The following SPOCK3 variants were observed in gnomAD, a reference collection of about 807,000 sequenced individuals.
The protein encoded by SPOCK3 is SPARC (osteonectin), cwcv and kazal like domains proteoglycan 3.
Under a neutral mutation model 56.6 loss-of-function variants are expected in SPOCK3, and 30 were observed. The observed-to-expected ratio is 0.53, with a 90% confidence interval of 0.40 to 0.72. The LOEUF is 0.72. Among genes scored for constraint, SPOCK3 ranks in the 30% least tolerant of loss-of-function variants. The probability of loss-of-function intolerance (pLI) is 0.00; values close to 1 mark genes in which losing one functional copy is unlikely to be tolerated. For synonymous variants in SPOCK3, 196 were observed against 183.3 expected (o/e 1.07, Z -0.56); for missense variants, 527 against 530.0 (o/e 0.99, Z 0.06).
At chr4:167,048,426 G>T (rs1053178197) in intron 3 of SPOCK3, among the ~76,000 whole-genome samples, 1 of 151,968 alleles carries the variant, frequency 6.6e-6, no homozygotes, top group Non-Finnish European at 1.5e-5. Flanking sequence ...AACCAGACAT[G>T]CCCAATATAT....
At chr4:167,099,006 G>A (rs1341862445) in intron 2 of SPOCK3, among the ~76,000 whole-genome samples, 1 of 151,862 alleles carries the variant, frequency 6.6e-6, no homozygotes, top group Non-Finnish European at 1.5e-5. Flanking sequence ...AGAAGGAAGG[G>A]ATCAGCATCT....
intron 7 of SPOCK3, among the ~76,000 whole-genome samples, chr4:166,788,815 T>TA (rs1012043433): frequency 6.6e-6 from 1 of 151,910 alleles, no homozygotes; most frequent in African/African-American, 2.4e-5. Flanking sequence ...TAAAAATGTG[T>TA]AAAAAATGAA....
At chr4:167,057,967 A>T (rs1481529027) in intron 3 of SPOCK3, among the ~76,000 whole-genome samples, 2 of 152,168 alleles carry the variant, frequency 1.3e-5, no homozygotes, top group African/African-American at 4.8e-5. Context: ...TCTCCACCCC[A>T]AATCAACAGA....
At position 166,756,060 on chromosome 4, in the gene SPOCK3, C is replaced by T. The variant is rs1333581670; in HGVS notation, c.710-1331G>A. On this transcript the variant is annotated intron_variant, in intron 7 of 10. Coordinates refer to ENST00000357545, the MANE Select transcript of SPOCK3 (RefSeq NM_001040159.2). ...GTGCGCGAGCCGAAGCAGGGCGAGG[C>T]ATTGCCTCACCTGGGAAGCGCAAGG... 1.5e-4 allele frequency among the ~76,000 whole-genome samples: 5 copies of T among 34,146 alleles called. 2 individuals are homozygous for T. The highest frequency in any genetic ancestry group is 5.9e-4 in the African/African-American group (5 of 8,498). The allele number at this position is 34,146 out of a possible 152,430, so 22.4% of individuals were successfully genotyped here.
intron 7 of SPOCK3, among the ~76,000 whole-genome samples, chr4:166,770,040 C>T (rs1738719811): frequency 6.6e-6 from 1 of 152,100 alleles, no homozygotes; most frequent in South Asian, 2.1e-4. Flanking sequence ...GTTGAAAAAG[C>T]ACAGTATTAG....
intron 4 of SPOCK3, among the ~76,000 whole-genome samples, chr4:166,930,393 A>G (rs918669531): frequency 5.9e-5 from 9 of 152,128 alleles, no homozygotes; most frequent in African/African-American, 2.2e-4. Context: ...TGATTATGGT[A>G]GTTTCCTCTG....
chr4:166,946,486 GT>G (rs1741765254), intron 4 of SPOCK3, among the ~76,000 whole-genome samples: 1 of 152,150 alleles, frequency 6.6e-6, no homozygotes, highest in African/African-American at 2.4e-5. Context: ...GTGCCGCCAA[GT>G]CCTTTGCTCT....
At chr4:166,858,808 T>A (rs1730942915) in intron 6 of SPOCK3, among the ~76,000 whole-genome samples, 1 of 152,144 alleles carries the variant, frequency 6.6e-6, no homozygotes, top group Admixed American at 6.5e-5. Flanking sequence ...CATTATTTTC[T>A]TCCTGCTCAC....
intron 8 of SPOCK3, among the ~76,000 whole-genome samples, chr4:166,750,004 C>T (rs1736170621): frequency 6.6e-6 from 1 of 152,072 alleles, no homozygotes; most frequent in Admixed American, 6.6e-5. Flanking sequence ...TGAGTCTATA[C>T]CTGAAAATGC....
At chr4:166,842,805 C>T (rs758418034) in intron 6 of SPOCK3, among the ~76,000 whole-genome samples, 24 of 152,210 alleles carry the variant, frequency 1.6e-4, no homozygotes, top group Non-Finnish European at 1.8e-4. Context: ...GAGCCGTGGG[C>T]GGAGCTGCCT....
At chr4:166,859,726 G>T (rs1731049534) in intron 6 of SPOCK3, among the ~76,000 whole-genome samples, 1 of 152,072 alleles carries the variant, frequency 6.6e-6, no homozygotes, top group Non-Finnish European at 1.5e-5. Context: ...TCTTTGTAAA[G>T]AAAGATCAGA....
intron 2 of SPOCK3, among the ~76,000 whole-genome samples, chr4:167,064,678 G>A (rs1017190658): frequency 6.6e-6 from 1 of 151,696 alleles, no homozygotes; most frequent in African/African-American, 2.4e-5. Flanking sequence ...TTGGAGACGG[G>A]CAAACCAGAA....
At chr4:166,907,894 A>G (rs910292146) in intron 5 of SPOCK3, among the ~76,000 whole-genome samples, 4 of 152,052 alleles carry the variant, frequency 2.6e-5, no homozygotes, top group Non-Finnish European at 5.9e-5. Context: ...TACCTCAGCC[A>G]AAAATCAAAC....
intron 2 of SPOCK3, among the ~76,000 whole-genome samples, chr4:167,136,947 A>T (rs928269424): frequency 6.6e-6 from 1 of 152,080 alleles, no homozygotes; most frequent in African/African-American, 2.4e-5. Context: ...ACCTTGATTA[A>T]GTCATTTAAT....
chr4:166,843,635 C>A (rs1747743332), intron 6 of SPOCK3, among the ~76,000 whole-genome samples: 1 of 152,178 alleles, frequency 6.6e-6, no homozygotes, highest in South Asian at 2.1e-4. Context: ...ACGACCCTAG[C>A]CCTGGCCCAT....
At position 166,862,349 on chromosome 4, in the gene SPOCK3, T is replaced by C. The variant is rs956941055; in HGVS notation, c.589+26781A>G. Among the ~76,000 whole-genome samples the C allele has an allele frequency of 9.2e-5, 14 of 151,892 alleles. 1 individual carries two copies. Among genetic ancestry groups the C allele is most frequent in the Non-Finnish European group, 2.1e-4 (14 of 67,970 alleles). On this transcript the variant is annotated intron_variant, in intron 6 of 10. Coordinates refer to ENST00000357545, the MANE Select transcript of SPOCK3 (RefSeq NM_001040159.2). ...AAAAAATAGGAAGCCAGTAAAACTA[T>C]GAAAAAGACTTGAATGTAGCAAATT...
In SPOCK3 at chr4:167,105,832, C is replaced by A. The variant is rs112270293; in HGVS notation, c.190-43295G>T. 1.3e-3 allele frequency among the ~76,000 whole-genome samples: 195 copies of A among 151,698 alleles called. No individual in the cohort carries two copies. The East Asian group carries it at 0.019, about 15-fold the overall frequency. On this transcript the variant is annotated intron_variant, in intron 2 of 10. Transcript: ENST00000357545. ...ATGCCAATGGAAACCAAAAAAAGAGCAGGAGTAGTTATATAAGACAAAATA... is the reference window on the plus strand; with the variant it reads ...ATGCCAATGGAAACCAAAAAAAGAGAAGGAGTAGTTATATAAGACAAAATA...
rs1057056225 is a variant in SPOCK3 at position 166,749,400 on chromosome 4, C to G, written c.931+5108G>C. Among the ~76,000 whole-genome samples the G allele has an allele frequency of 1.1e-4, 16 of 150,802 alleles. 4 individuals carry two copies. The highest frequency in any genetic ancestry group is 3.7e-4 in the African/African-American group (15 of 40,542). On this transcript the variant is annotated intron_variant, in intron 8 of 10. Transcript: ENST00000357545. ...ACTATCACAAGGACAGAAAACCAAA[C>G]ACCACATGTTCTCACTCATAGGTGG...
chr4:166,764,968 G>A (rs1316651043), intron 7 of SPOCK3, among the ~76,000 whole-genome samples: 1 of 151,702 alleles, frequency 6.6e-6, no homozygotes, highest in Non-Finnish European at 1.5e-5. Context: ...TCATGTGTCT[G>A]TTGGCTGCAT....
Sources: gnomAD v4.1 joint callset for allele counts (sites outside exome capture counted in the v4.1 genomes callset) on GRCh38, gnomAD v4.1.1 for gene constraint, MANE v1.5 for transcripts, NCBI Gene and HGNC (gene_info 2026-07-23, HGNC 2026-07-21) for gene names.